TAF5L: variants seen among roughly 807,000 people sequenced by gnomAD.
TAF5L encodes the protein TAF5-like RNA polymerase II p300/CBP-associated factor-associated factor 65 kDa subunit 5L.
Under a neutral mutation model 51.3 loss-of-function variants are expected in TAF5L, and 7 were observed. The observed-to-expected ratio is 0.14, with a 90% CI of 0.08 to 0.26. The LOEUF (loss-of-function observed/expected upper bound fraction) is 0.26, where lower values mean the gene tolerates loss of function less well. TAF5L is among the 10% of genes least tolerant of loss of function. The pLI is 1.00. For synonymous variants in TAF5L, 291 were observed against 308.1 expected (o/e 0.94, Z 0.58); for missense variants, 575 against 758.9 (o/e 0.76, Z 2.85).
At chr1:229,604,949 T>C (rs541434883) in intron 3 of TAF5L, among the ~76,000 whole-genome samples, 13 of 152,274 alleles carry the variant, frequency 8.5e-5, no homozygotes, top group African/African-American at 2.9e-4. Flanking sequence ...ACTGACTTTA[T>C]TTTTTTGAGA....
intron 4 of TAF5L, chr1:229,600,322 G>A: frequency 4.1e-6 from 4 of 985,280 alleles, no homozygotes; most frequent in Non-Finnish European, 4.8e-6. Flanking sequence ...TTAAAAAAAA[G>A]GTTTATTCTT....
intron 1 of TAF5L, among the ~76,000 whole-genome samples, chr1:229,617,520 T>C (rs955682824): frequency 4.6e-5 from 7 of 152,212 alleles, no homozygotes; most frequent in Admixed American, 3.3e-4. Context: ...TGGGAATGCA[T>C]GCAAATATTG....
chr1:229,607,498 C>CCTCTTCCT, intron 3 of TAF5L: 3 of 983,270 alleles, frequency 3.1e-6, no homozygotes. Context: ...CCAAATTACT[C>CCTCTTCCT]CTCTTCCTCC....
chr1:229,603,002 T>C (rs1270047915), intron 3 of TAF5L, 83 bp from the exon 4 acceptor site: 25 of 1,475,180 alleles, frequency 1.7e-5, no homozygotes, highest in Admixed American at 2.5e-5. Context: ...ACCACCATCA[T>C]ATAATGCTTT....
chr1:229,598,780 C>T (rs557379497), intron 4 of TAF5L, among the ~76,000 whole-genome samples: 1 of 151,432 alleles, frequency 6.6e-6, no homozygotes, highest in East Asian at 1.9e-4. Flanking sequence ...CTCACTGCAA[C>T]CCCTGCTGCC....
intron 4 of TAF5L, chr1:229,599,056 CTT>C (rs1263665577): frequency 1.3e-5 from 2 of 155,300 alleles, no homozygotes; most frequent in East Asian, 3.8e-4. Flanking sequence ...AGGTTTCACT[CTT>C]CATCTCAGTG....
In TAF5L at chr1:229,594,962, A is replaced by G; in HGVS notation, c.1105T>C (p.Trp369Arg). 1 of 1,614,214 alleles carries G rather than the reference A, an allele frequency of 6.2e-7. No individual in the cohort carries two copies. Among genetic ancestry groups the G allele is most frequent in the Non-Finnish European group, 8.5e-7 (1 of 1,180,040 alleles). ...GTGTTGGTGAAACTCCCCAGATCCC[A>G]GTATCTGATGGACATGTCTTCAGAA... The change falls in exon 5 of 5, where the codon TGG (tryptophan) becomes CGG (arginine). Residue 369 changes from tryptophan to arginine, a missense_variant. Transcript: ENST00000258281. The surrounding 1 kb of genome is among the most constrained non-coding windows in gnomAD (Gnocchi z 7.9).
chr1:229,607,765 A>G (rs12145646), intron 3 of TAF5L: 19,393 of 152,248 alleles, frequency 0.13, 1,899 homozygotes, highest in East Asian at 0.42. Context: ...ATTAATGAGT[A>G]TATCTTACAC....
intron 2 of TAF5L, chr1:229,614,137 C>T: frequency 1.3e-6 from 1 of 784,624 alleles, no homozygotes; most frequent in South Asian, 1.6e-5. Context: ...CAGAGGTTAT[C>T]AGAAGTGACA....
At chr1:229,600,510 C>G (rs1664331871) in intron 4 of TAF5L, 9 of 985,428 alleles carry the variant, frequency 9.1e-6, no homozygotes, top group Non-Finnish European at 1.1e-5. Flanking sequence ...TCTCCCTTAT[C>G]CCCTACAGTA....
chr1:229,603,323 GTTC>G (rs774432276), intron 3 of TAF5L, among the ~76,000 whole-genome samples: 4 of 152,274 alleles, frequency 2.6e-5, no homozygotes, highest in East Asian at 1.9e-4. Context: ...GGAAGATTGA[GTTC>G]TTCACAATTT....
chr1:229,605,416 A>T (rs1250755935), intron 3 of TAF5L, among the ~76,000 whole-genome samples: 1 of 152,120 alleles, frequency 6.6e-6, no homozygotes, highest in Non-Finnish European at 1.5e-5. Flanking sequence ...ACACAGGATA[A>T]TTTTATTAGG....
At chr1:229,603,768 G>A (rs1265440968) in intron 3 of TAF5L, among the ~76,000 whole-genome samples, 5 of 152,232 alleles carry the variant, frequency 3.3e-5, no homozygotes, top group Non-Finnish European at 2.9e-5. Flanking sequence ...ATGGGTGAAT[G>A]AGAAAAGAAC....
intron 1 of TAF5L, among the ~76,000 whole-genome samples, chr1:229,619,192 T>C (rs1194221131): frequency 6.6e-6 from 1 of 152,224 alleles, no homozygotes; most frequent in Non-Finnish European, 1.5e-5. Flanking sequence ...AGCCCTAGCT[T>C]TGCATTAATC....
At chr1:229,595,705 G>C (rs1664097140) in intron 4 of TAF5L, among the ~76,000 whole-genome samples, 1 of 151,916 alleles carries the variant, frequency 6.6e-6, no homozygotes, top group Admixed American at 6.6e-5. Context: ...CGCTCTTGTT[G>C]CCCAGGCTGG....
At chr1:229,609,924 T>C (rs1213589190) in intron 3 of TAF5L, among the ~76,000 whole-genome samples, 182 bp downstream of exon 3, 2 of 152,226 alleles carry the variant, frequency 1.3e-5, no homozygotes, top group Non-Finnish European at 2.9e-5. Flanking sequence ...TTCGAATCCC[T>C]AGTACCTCAA....
chr1:229,606,043 A>T (rs1201415094), intron 3 of TAF5L: 1 of 637,772 alleles, frequency 1.6e-6, no homozygotes, highest in Non-Finnish European at 2.0e-6. Context: ...TTCTAAAATG[A>T]GAGGCATTTC....
chr1:229,615,108 G>A (rs1490639353), intron 1 of TAF5L, among the ~76,000 whole-genome samples: 1 of 152,016 alleles, frequency 6.6e-6, no homozygotes, highest in East Asian at 1.9e-4. Flanking sequence ...TTTATTTTGA[G>A]ACAGAGTCTC....
chr1:229,610,033 A>C (rs1225160071), intron 3 of TAF5L, 73 bp downstream of exon 3: 2 of 1,286,998 alleles, frequency 1.6e-6, no homozygotes, highest in African/African-American at 3.0e-5. Flanking sequence ...CTAACTCACA[A>C]GCAGTGTGCC....
Sources: gnomAD v4.1 joint callset for allele counts (sites outside exome capture counted in the v4.1 genomes callset) on GRCh38, gnomAD v4.1.1 for gene constraint, Gnocchi (gnomAD v3.1) non-coding constraint, MANE v1.5 for transcripts, NCBI Gene and HGNC (gene_info 2026-07-23, HGNC 2026-07-21) for gene names.